The following SORCS1 variants were observed in gnomAD, a reference collection of about 807,000 sequenced individuals.
SORCS1 encodes sortilin related VPS10 domain containing receptor 1.
A neutral mutation model predicts 146.1 loss-of-function variants in SORCS1; 60 were observed. That is an observed-to-expected ratio of 0.41 (90% CI 0.33 to 0.51). The LOEUF (loss-of-function observed/expected upper bound fraction) is 0.51. Ranked by LOEUF, SORCS1 falls within the 20% of genes least tolerant of loss-of-function variation. SORCS1 has a pLI of 0.21. For synonymous variants in SORCS1, 637 were observed against 584.0 expected, an observed-to-expected ratio of 1.09 and a Z score of -1.31; for missense variants, 1,352 against 1,487.6, an observed-to-expected ratio of 0.91 and a Z score of 1.50.
At chr10:107,035,547 T>C (rs903478586) in intron 1 of SORCS1, among the ~76,000 whole-genome samples, 3 of 152,138 alleles carry the variant, frequency 2.0e-5, no homozygotes, top group Non-Finnish European at 2.9e-5. Flanking sequence ...CAGAGAACTA[T>C]GTATAGTGTT....
chr10:106,822,784 T>G (rs1196053112), intron 3 of SORCS1, among the ~76,000 whole-genome samples: 1 of 129,594 alleles, frequency 7.7e-6, no homozygotes, highest in Non-Finnish European at 1.6e-5. Context: ...CATGTGTGGT[T>G]TTTTTTTTTT....
At chr10:107,024,127 T>C (rs181079531) in intron 1 of SORCS1, among the ~76,000 whole-genome samples, 93 of 146,694 alleles carry the variant, frequency 6.3e-4, no homozygotes, top group African/African-American at 2.2e-3. Context: ...TGAGCTGAGA[T>C]TGTGCCATGG....
chr10:106,985,828 C>A (rs1956446880), intron 1 of SORCS1, among the ~76,000 whole-genome samples: 2 of 151,986 alleles, frequency 1.3e-5, no homozygotes, highest in Admixed American at 6.6e-5. Flanking sequence ...AGCCACCGAG[C>A]CTGGACTCAT....
chr10:106,834,950 G>T (rs1052005677), intron 2 of SORCS1, among the ~76,000 whole-genome samples: 9 of 152,260 alleles, frequency 5.9e-5, no homozygotes, highest in East Asian at 5.8e-4. Flanking sequence ...ATTAAATCAA[G>T]GCTTACTTTC....
intron 1 of SORCS1, among the ~76,000 whole-genome samples, chr10:107,134,596 G>A (rs1344959095): frequency 2.0e-5 from 3 of 152,160 alleles, no homozygotes; most frequent in East Asian, 1.9e-4. Flanking sequence ...CCGAGATCGC[G>A]CCACTGCACT....
At chr10:107,136,663 C>T (rs1240431728) in intron 1 of SORCS1, among the ~76,000 whole-genome samples, 1 of 152,190 alleles carries the variant, frequency 6.6e-6, no homozygotes. Context: ...ATTTGATCTT[C>T]ATAACCACAT....
At chr10:107,170,009 A>G in the SORCS1 span, among the ~76,000 whole-genome samples, 1 of 152,206 alleles carries the variant, frequency 6.6e-6, no homozygotes, top group African/African-American at 2.4e-5. Context: ...TTTAATATTC[A>G]TACTTAAAGT....
intron 24 of SORCS1, among the ~76,000 whole-genome samples, chr10:106,596,366 A>T (rs1196426164): frequency 1.3e-5 from 2 of 152,238 alleles, no homozygotes; most frequent in African/African-American, 4.8e-5. Context: ...TGCAAAAATA[A>T]GTACTCAATA....
At chr10:106,818,613 C>T (rs892021225) in intron 3 of SORCS1, among the ~76,000 whole-genome samples, 1 of 152,140 alleles carries the variant, frequency 6.6e-6, no homozygotes, top group Non-Finnish European at 1.5e-5. Flanking sequence ...ATCCGCCTGC[C>T]TCGGCGGGAT....
intron 1 of SORCS1, among the ~76,000 whole-genome samples, chr10:107,139,239 CA>C (rs1311386675): frequency 1.3e-5 from 2 of 151,992 alleles, no homozygotes; most frequent in African/African-American, 4.8e-5. Flanking sequence ...CTTGGAAAGC[CA>C]GAAACACACT....
At chr10:106,843,114 A>G (rs1041179496) in intron 2 of SORCS1, among the ~76,000 whole-genome samples, 1 of 152,206 alleles carries the variant, frequency 6.6e-6, no homozygotes, top group Non-Finnish European at 1.5e-5. Flanking sequence ...TTATGCAGTG[A>G]GAACACTTGA....
Position 107,148,368 on chromosome 10 carries a change from A to G in SORCS1, c.558+15601T>C, listed in dbSNP as rs1296831651. 2.0e-5 allele frequency among the ~76,000 whole-genome samples: 3 copies of G among 152,244 alleles called. No individual in the cohort carries two copies. The East Asian group carries it at 5.8e-4, about 29-fold the overall frequency. ...GTTGTTGTAGCAGGAAAGCAGCCAT[A>G]GACAATATGTCAATGAATGAGTGTG... is the stretch of plus-strand genomic sequence containing the variant. On this transcript the variant is annotated intron_variant, in intron 1 of 25. Coordinates refer to ENST00000263054, the MANE Select transcript of SORCS1 (RefSeq NM_052918.5).
chr10:106,892,717 A>C (rs1387515601), intron 2 of SORCS1, among the ~76,000 whole-genome samples: 1 of 152,202 alleles, frequency 6.6e-6, no homozygotes, highest in East Asian at 1.9e-4. Flanking sequence ...GGCCAAATAA[A>C]GAAGTCAAGT....
chr10:107,007,898 C>A (rs553643904), intron 1 of SORCS1, among the ~76,000 whole-genome samples: 1 of 152,224 alleles, frequency 6.6e-6, no homozygotes, highest in African/African-American at 2.4e-5. Context: ...GCCAAAAGGC[C>A]AGGAGGTGAT....
chr10:107,057,018 C>A (rs75950710), intron 1 of SORCS1, among the ~76,000 whole-genome samples: 102 of 152,284 alleles, frequency 6.7e-4, no homozygotes, highest in African/African-American at 2.3e-3. Context: ...ATCCAGTTCC[C>A]GCTTTCTAAA....
intron 13 of SORCS1, 26 bp from the exon 14 acceptor site, chr10:106,675,182 T>C (rs1028204510): frequency 1.0e-5 from 16 of 1,530,522 alleles, no homozygotes; most frequent in African/African-American, 9.6e-5. Context: ...ATATCAGTCA[T>C]CAGATCTCCA....
intron 1 of SORCS1, among the ~76,000 whole-genome samples, chr10:107,030,483 T>C (rs954043194): frequency 2.6e-5 from 4 of 152,194 alleles, no homozygotes; most frequent in African/African-American, 9.7e-5. Context: ...TCCACACCCA[T>C]AGCTCTGCTA....
Position 106,890,586 on chromosome 10 carries a change from G to T in SORCS1, c.627-60913C>A, listed in dbSNP as rs567390702. 2.0e-5 allele frequency among the ~76,000 whole-genome samples: 3 copies of T among 152,314 alleles called. No individual in the cohort carries two copies. The South Asian group carries it at 6.2e-4, about 32-fold the overall frequency. On this transcript the variant is annotated intron_variant, in intron 2 of 25. Coordinates refer to ENST00000263054, the MANE Select transcript of SORCS1 (RefSeq NM_052918.5). Reference sequence around the variant, plus strand: ...TAAATGACATCTTAGGAAGACAAAGGAACAGAAACTGGTCAAATAAATCAG... The same window carrying T: ...TAAATGACATCTTAGGAAGACAAAGTAACAGAAACTGGTCAAATAAATCAG...
At chr10:106,604,028 T>G (rs1846410916) in intron 23 of SORCS1, among the ~76,000 whole-genome samples, 1 of 152,188 alleles carries the variant, frequency 6.6e-6, no homozygotes, top group Non-Finnish European at 1.5e-5. Context: ...TGCAATCAGG[T>G]GAGAGGTACC....
Sources: gnomAD v4.1 joint callset for allele counts (sites outside exome capture counted in the v4.1 genomes callset) on GRCh38, gnomAD v4.1.1 for gene constraint, MANE v1.5 for transcripts, NCBI Gene and HGNC (gene_info 2026-07-23, HGNC 2026-07-21) for gene names.